BID: variants seen among roughly 807,000 people sequenced by gnomAD.
BID encodes the protein BH3 interacting domain death agonist.
BID carries 19 observed loss-of-function variants against 17.4 expected under a neutral mutation model. That is an observed-to-expected ratio of 1.09 (90% CI 0.76 to 1.60). The LOEUF is 1.60. BID is among the 40% of genes most tolerant of loss of function. The pLI is 0.00. For missense variants in BID, 226 were observed against 256.0 expected (o/e 0.88, Z 0.80); for synonymous variants, 108 against 102.8 (o/e 1.05, Z -0.31).
intron 1 of BID, among the ~76,000 whole-genome samples, chr22:17,760,691 C>G (rs1249111590): frequency 6.6e-6 from 1 of 152,096 alleles, no homozygotes; most frequent in South Asian, 2.1e-4. Context: ...TGGCCCGGCG[C>G]GCTGGGGTGG....
intron 1 of BID, among the ~76,000 whole-genome samples, chr22:17,758,493 C>T (rs372213675): frequency 3.3e-5 from 5 of 152,356 alleles, no homozygotes; most frequent in African/African-American, 1.2e-4. Context: ...CTGGAACACA[C>T]ATTTGCACAC....
In BID at chr22:17,735,163, G is replaced by C. The variant is rs544801192; in HGVS notation, c.*417C>G. On this transcript the variant is annotated 3_prime_UTR_variant, in exon 6 of 6. Transcript: ENST00000622694. ...TTCCTCAAACAGGATACTGCCTGCT[G>C]TAAGACCATCCTCTATGGTTGTACT... 7.1e-5 allele frequency: 13 copies of C among 182,236 alleles called. No individual in the cohort carries two copies. The East Asian group carries it at 1.6e-3, about 23-fold the overall frequency. The allele number at this position is 182,236 out of a possible 1,614,324, so 11.3% of individuals were successfully genotyped here. A position where few individuals can be genotyped will look rare whatever the true frequency, so the allele number is the denominator to read the frequency against.
chr22:17,765,769 T>G (rs894116198), intron 1 of BID, among the ~76,000 whole-genome samples: 2 of 152,212 alleles, frequency 1.3e-5, no homozygotes, highest in African/African-American at 4.8e-5. Context: ...ACATGGCACA[T>G]GTATATATAT....
Position 17,735,578 on chromosome 22 carries a change from G to A in BID, c.*2C>T, listed in dbSNP as rs148682143. ...GCCAGTCACACTTCTGGAACTGTCCGTTCAGTCCATCCCCTAGAGCAAGAA... is the reference window on the plus strand; with the variant it reads ...GCCAGTCACACTTCTGGAACTGTCCATTCAGTCCATCCCCTAGAGCAAGAA... On this transcript the variant is annotated 3_prime_UTR_variant, in exon 6 of 6. Transcript: ENST00000622694. 1.5e-4 allele frequency: 246 copies of A among 1,614,142 alleles called. 2 individuals are homozygous for A. In the African/African-American group the frequency reaches 2.3e-3, roughly 15 times the overall value.
intron 1 of BID, among the ~76,000 whole-genome samples, chr22:17,754,990 C>T (rs1435085534): frequency 6.6e-6 from 1 of 152,014 alleles, no homozygotes; most frequent in Non-Finnish European, 1.5e-5. Context: ...GTCTTGAACT[C>T]CTGACTTCAT....
intron 1 of BID, among the ~76,000 whole-genome samples, chr22:17,766,581 C>T (rs1487576662): frequency 6.9e-6 from 1 of 144,842 alleles, no homozygotes; most frequent in Non-Finnish European, 1.5e-5. Flanking sequence ...TCGCGCCCAG[C>T]CTTTTTTGTT....
At chr22:17,752,964 C>CTTTTT (rs34597946) in intron 1 of BID, among the ~76,000 whole-genome samples, 5 of 85,184 alleles carry the variant, frequency 5.9e-5, no homozygotes, top group African/African-American at 9.5e-5. Flanking sequence ...CGCGCCCAGT[C>CTTTTT]TTTTTTTTTT....
chr22:17,760,539 A>T (rs1460599938), intron 1 of BID, among the ~76,000 whole-genome samples: 3 of 152,040 alleles, frequency 2.0e-5, no homozygotes, highest in Non-Finnish European at 4.4e-5. Flanking sequence ...GACACTAAGA[A>T]TGAGAAAGCA....
chr22:17,737,956 C>A, intron 5 of BID, 61 bp downstream of exon 5: 1 of 1,582,282 alleles, frequency 6.3e-7, no homozygotes, highest in African/African-American at 1.3e-5. Flanking sequence ...GGCTTCTCAA[C>A]CTTCCAGAGA....
chr22:17,746,788 G>C (rs2061497871), intron 2 of BID, among the ~76,000 whole-genome samples: 1 of 152,156 alleles, frequency 6.6e-6, no homozygotes, highest in Non-Finnish European at 1.5e-5. Flanking sequence ...AGCCACAGGA[G>C]CCAGGAGAGC....
chr22:17,744,833 G>C (rs1474623490), intron 2 of BID, among the ~76,000 whole-genome samples: 1 of 152,176 alleles, frequency 6.6e-6, no homozygotes, highest in Non-Finnish European at 1.5e-5. Context: ...ACCAGAGAAA[G>C]ACCTAAGGTG....
chr22:17,761,931 C>T (rs2061642159), intron 1 of BID, among the ~76,000 whole-genome samples: 1 of 152,246 alleles, frequency 6.6e-6, no homozygotes, highest in African/African-American at 2.4e-5. Context: ...CTGGAAAACA[C>T]TGGTAAATCG....
chr22:17,736,974 T>A (rs1368816616), intron 5 of BID, among the ~76,000 whole-genome samples: 1 of 151,694 alleles, frequency 6.6e-6, no homozygotes, highest in Non-Finnish European at 1.5e-5. Context: ...CAGCTAATTT[T>A]TTTTGTATTT....
intron 5 of BID, among the ~76,000 whole-genome samples, chr22:17,737,369 T>C (rs1485298954): frequency 2.0e-5 from 3 of 152,026 alleles, no homozygotes; most frequent in Admixed American, 6.6e-5. Flanking sequence ...TTTTTTGAGA[T>C]GGAGTCTTGC....
chr22:17,754,268 A>G (rs772944236), intron 1 of BID, among the ~76,000 whole-genome samples: 17 of 152,166 alleles, frequency 1.1e-4, no homozygotes, highest in Non-Finnish European at 1.9e-4. Flanking sequence ...ACTTTGCCAG[A>G]CGGGGGTGAC....
At chr22:17,765,798 G>T (rs1366756541) in intron 1 of BID, among the ~76,000 whole-genome samples, 2 of 152,204 alleles carry the variant, frequency 1.3e-5, no homozygotes, top group Non-Finnish European at 2.9e-5. Flanking sequence ...CCTGCACGTT[G>T]TGCACATGTA....
chr22:17,740,929 G>A (rs931920707), intron 3 of BID: 1 of 152,174 alleles, frequency 6.6e-6, no homozygotes, highest in Admixed American at 6.6e-5. Context: ...ATGAATGAAT[G>A]GGCCCTGTAC....
At chr22:17,766,129 G>T (rs2061676616) in intron 1 of BID, among the ~76,000 whole-genome samples, 1 of 152,022 alleles carries the variant, frequency 6.6e-6, no homozygotes, top group Non-Finnish European at 1.5e-5. Flanking sequence ...TTGCCATGTT[G>T]CCCAGGCTGG....
At chr22:17,756,482 T>C (rs2061590603) in intron 1 of BID, among the ~76,000 whole-genome samples, 8 of 115,064 alleles carry the variant, frequency 7.0e-5, no homozygotes, top group Middle Eastern at 4.5e-3. Flanking sequence ...TTTCTTTTCT[T>C]TCTTTCTTTC....
Sources: allele counts gnomAD v4.1 joint callset (sites outside exome capture counted in the v4.1 genomes callset), GRCh38; gene constraint gnomAD v4.1.1; transcripts MANE v1.5; gene names NCBI Gene and HGNC (gene_info 2026-07-23, HGNC 2026-07-21).